SEPTIN7: variants seen among roughly 807,000 people sequenced by gnomAD.
The protein encoded by SEPTIN7 is septin 7.
In SEPTIN7, 10 loss-of-function variants were observed where a neutral mutation model predicts 63.3. The ratio of observed to expected loss-of-function variants is 0.16; its 90% CI spans 0.10 to 0.27. The LOEUF (loss-of-function observed/expected upper bound fraction) is 0.27. Ranked by LOEUF, SEPTIN7 falls within the 10% of genes least tolerant of loss-of-function variation. SEPTIN7 has a pLI of 1.00. For synonymous variants in SEPTIN7, 131 were observed against 165.3 expected, an observed-to-expected ratio of 0.79 and a Z score of 1.59; for missense variants, 310 against 521.0, an observed-to-expected ratio of 0.59 and a Z score of 3.94.
chr7:35,844,826 C>T, intron 3 of SEPTIN7, among the ~76,000 whole-genome samples: 1 of 152,152 alleles, frequency 6.6e-6, no homozygotes, highest in East Asian at 1.9e-4. Context: ...TGATTTCCAA[C>T]TCCTGACTAC....
At chr7:35,855,637 TAAG>T (rs937602345) in intron 3 of SEPTIN7, among the ~76,000 whole-genome samples, 3 of 152,306 alleles carry the variant, frequency 2.0e-5, no homozygotes, top group Admixed American at 6.5e-5. Flanking sequence ...TAGGAAGAGT[TAAG>T]GAGAGATATC....
intron 1 of SEPTIN7, among the ~76,000 whole-genome samples, chr7:35,831,176 C>G (rs1783815816): frequency 6.6e-6 from 1 of 152,028 alleles, no homozygotes; most frequent in Non-Finnish European, 1.5e-5. Flanking sequence ...GCCTTATTTT[C>G]TATATTTCAG....
chr7:35,875,592 A>G (rs755331780), intron 6 of SEPTIN7, among the ~76,000 whole-genome samples: 2 of 152,204 alleles, frequency 1.3e-5, no homozygotes, highest in Non-Finnish European at 2.9e-5. Flanking sequence ...TGGCTAATGT[A>G]TGATTTCAGC....
chr7:35,846,536 G>A (rs148135538), intron 3 of SEPTIN7, among the ~76,000 whole-genome samples: 5 of 152,254 alleles, frequency 3.3e-5, no homozygotes, highest in Non-Finnish European at 5.9e-5. Context: ...TCTTTAGCAC[G>A]AGGGAAGCAT....
intron 11 of SEPTIN7, among the ~76,000 whole-genome samples, chr7:35,894,123 G>A (rs547746907): frequency 4.3e-3 from 234 of 54,274 alleles, no homozygotes; most frequent in African/African-American, 0.011. Context: ...GAGGAGGGCC[G>A]TCTTTTTTTT....
intron 4 of SEPTIN7, among the ~76,000 whole-genome samples, chr7:35,870,920 G>GT (rs1466728289): frequency 6.6e-6 from 1 of 151,520 alleles, no homozygotes; most frequent in Non-Finnish European, 1.5e-5. Flanking sequence ...CCTCTCTCAT[G>GT]TTATTAGGGT....
intron 3 of SEPTIN7, among the ~76,000 whole-genome samples, chr7:35,857,914 A>G (rs1287307859): frequency 6.6e-6 from 1 of 152,090 alleles, no homozygotes; most frequent in African/African-American, 2.4e-5. Context: ...CAAATAGTCT[A>G]GTCCTTAACT....
intron 1 of SEPTIN7, chr7:35,815,198 A>T: frequency 2.3e-6 from 1 of 429,336 alleles, no homozygotes; most frequent in South Asian, 1.7e-5. Context: ...TAAGCCTTGG[A>T]ATCAACCATT....
chr7:35,808,470 C>T (rs183366585), intron 1 of SEPTIN7, among the ~76,000 whole-genome samples: 16 of 152,282 alleles, frequency 1.1e-4, no homozygotes, highest in East Asian at 7.7e-4. Context: ...CATGATATCT[C>T]AGTCTGTTTG....
At chr7:35,872,585 C>A in intron 4 of SEPTIN7, 81 bp from the exon 5 acceptor site, 1 of 1,038,916 alleles carries the variant, frequency 9.6e-7, no homozygotes, top group Non-Finnish European at 1.5e-6. Flanking sequence ...TTGATAAACT[C>A]GAACGTCCCT....
chr7:35,802,816 G>A (rs1420641), intron 1 of SEPTIN7, among the ~76,000 whole-genome samples: 19,441 of 152,042 alleles, frequency 0.13, 1,817 homozygotes, highest in African/African-American at 0.26. Context: ...GGTGATGGGG[G>A]GGTGGTACGG....
intron 1 of SEPTIN7, among the ~76,000 whole-genome samples, chr7:35,829,668 T>C (rs576441905): frequency 6.6e-6 from 1 of 152,324 alleles, no homozygotes; most frequent in East Asian, 1.9e-4. Flanking sequence ...GCTTCCTTTT[T>C]TGATGTACCA....
intron 10 of SEPTIN7, among the ~76,000 whole-genome samples, chr7:35,887,655 G>A (rs1787345318): frequency 2.0e-5 from 3 of 152,122 alleles, no homozygotes; most frequent in Admixed American, 2.0e-4. Context: ...CCAGCCCAGA[G>A]GCTACTTTGA....
chr7:35,905,224 A>G lies in SEPTIN7; in HGVS notation c.*931A>G, dbSNP rs545136142. On this transcript the variant is annotated 3_prime_UTR_variant, in exon 14 of 14. Coordinates refer to ENST00000350320, the MANE Select transcript of SEPTIN7 (RefSeq NM_001788.6). ...GAAGAGAAAAAAGTCACCATTCTGCATTTAGCTGTATTCATATATTGCATT... is the reference window on the plus strand; with the variant it reads ...GAAGAGAAAAAAGTCACCATTCTGCGTTTAGCTGTATTCATATATTGCATT... 134 of 152,690 alleles carry G rather than the reference A, an allele frequency of 8.8e-4. No individual in the cohort carries two copies. The highest frequency in any genetic ancestry group is 3.0e-3 in the African/African-American group (126 of 41,524). The allele number at this position is 152,690 out of a possible 1,614,324, so 9.5% of individuals were successfully genotyped here. A position where few individuals can be genotyped will look rare whatever the true frequency, so the allele number is the denominator to read the frequency against.
At chr7:35,908,647 G>T (rs892773331), downstream of SEPTIN7, among the ~76,000 whole-genome samples, 3 of 152,160 alleles carry the variant, frequency 2.0e-5, no homozygotes, top group Non-Finnish European at 4.4e-5. Context: ...GCTAGCAGAG[G>T]GGGGGTAGTC....
chr7:35,867,820 A>G (rs773905999), intron 4 of SEPTIN7, among the ~76,000 whole-genome samples: 6 of 151,194 alleles, frequency 4.0e-5, no homozygotes, highest in Non-Finnish European at 7.4e-5. Flanking sequence ...TAAAGTTCTT[A>G]GTTGGAAACT....
intron 3 of SEPTIN7, among the ~76,000 whole-genome samples, chr7:35,841,861 G>A (rs1195204639): frequency 6.6e-6 from 1 of 152,108 alleles, no homozygotes; most frequent in African/African-American, 2.4e-5. Flanking sequence ...TCCATAATGG[G>A]TAATTTCTAA....
downstream of SEPTIN7, among the ~76,000 whole-genome samples, chr7:35,910,829 A>G (rs535185120): frequency 8.5e-5 from 13 of 152,378 alleles, 1 homozygote; most frequent in Admixed American, 8.5e-4. Context: ...AACCAGCTGC[A>G]AAGACAGAAG....
chr7:35,849,057 ACTT>A (rs952311752), intron 3 of SEPTIN7, among the ~76,000 whole-genome samples: 3 of 152,102 alleles, frequency 2.0e-5, no homozygotes, highest in Admixed American at 2.0e-4. Flanking sequence ...GAATAAGTAA[ACTT>A]CTTTTAAGAT....
Sources: gnomAD v4.1 joint callset for allele counts (sites outside exome capture counted in the v4.1 genomes callset) on GRCh38, gnomAD v4.1.1 for gene constraint, MANE v1.5 for transcripts, NCBI Gene and HGNC (gene_info 2026-07-23, HGNC 2026-07-21) for gene names.